Variants in ACTN4 observed in about 807,000 individuals in gnomAD.
The protein encoded by ACTN4 is actinin alpha 4.
A neutral mutation model predicts 114.2 loss-of-function variants in ACTN4; 18 were observed. The observed-to-expected ratio is 0.16, with a 90% CI of 0.11 to 0.23. The LOEUF is 0.23. Ranked by LOEUF, ACTN4 falls within the 10% of genes least tolerant of loss-of-function variation. The pLI is 1.00. For missense variants in ACTN4, 722 were observed against 1,262.9 expected (o/e 0.57, Z 6.49); for synonymous variants, 515 against 506.3 (o/e 1.02, Z -0.23).
rs1405060761 is a variant in ACTN4 at position 38,730,025 on chromosome 19, C to T, written c.*593C>T. 3.6e-5 allele frequency: 8 copies of T among 222,890 alleles called. No individual in the cohort carries two copies. The highest frequency in any genetic ancestry group is 2.7e-4 in the South Asian group (5 of 18,854). 13.8% of individuals were successfully genotyped at this position (222,890 alleles called of 1,614,324 possible). A position where few individuals can be genotyped will look rare whatever the true frequency, so the allele number is the denominator to read the frequency against. ...TGGCAGACCGGGCCCCCCTGAACCG[C>T]ACCCCATCCCACCAGCCCCGGCCTT... On this transcript the variant is annotated 3_prime_UTR_variant, in exon 21 of 21. Coordinates refer to ENST00000252699, the MANE Select transcript of ACTN4 (RefSeq NM_004924.6).
intron 20 of ACTN4, 22 bp downstream of exon 20, chr19:38,729,176 T>C (rs757420258): frequency 1.7e-5 from 28 of 1,611,952 alleles, no homozygotes; most frequent in Non-Finnish European, 2.3e-5. Flanking sequence ...CCCTACGAGG[T>C]GCATGGGGGC....
At position 38,724,579 on chromosome 19, in the gene ACTN4, G is replaced by C. The variant is rs748525677; in HGVS notation, c.2010+14G>C. 7 of 1,613,162 alleles carry C rather than the reference G, an allele frequency of 4.3e-6. No individual in the cohort carries two copies. In the East Asian group the frequency reaches 1.6e-4, roughly 36 times the overall value. ...ACCAAGATGGAGGTGAGGCACGGCT[G>C]AGCCCCACAGAGCTGAGAAGGTTCC... On this transcript the variant is annotated intron_variant, in intron 16 of 20. Coordinates refer to ENST00000252699, the MANE Select transcript of ACTN4 (RefSeq NM_004924.6). This position sits in a 1 kb window ranked among gnomAD's most constrained non-coding sequence, Gnocchi z 7.0.
At chr19:38,693,760 A>T (rs1968004622) in intron 1 of ACTN4, among the ~76,000 whole-genome samples, 1 of 152,098 alleles carries the variant, frequency 6.6e-6, no homozygotes. Flanking sequence ...GGACTTTATG[A>T]CCAGAGATGC....
At chr19:38,726,850 G>A in intron 17 of ACTN4, 107 bp from the exon 18 acceptor site, 1 of 1,519,426 alleles carries the variant, frequency 6.6e-7, no homozygotes, top group Non-Finnish European at 8.9e-7. Flanking sequence ...CAGGAGAGCA[G>A]GGGCTTTCCC....
chr19:38,685,835 A>G (rs1338782850), intron 1 of ACTN4, among the ~76,000 whole-genome samples: 3 of 152,070 alleles, frequency 2.0e-5, no homozygotes, highest in African/African-American at 7.2e-5. Context: ...GCCTCTCAAA[A>G]CAGGAAAAAG....
intron 1 of ACTN4, among the ~76,000 whole-genome samples, chr19:38,662,912 T>G (rs1402237718): frequency 6.6e-6 from 1 of 151,226 alleles, no homozygotes; most frequent in Non-Finnish European, 1.5e-5. Flanking sequence ...TGGGTCTGTT[T>G]TTTTTTTTTT....
At chr19:38,684,776 T>A (rs898011754) in intron 1 of ACTN4, among the ~76,000 whole-genome samples, 6 of 152,146 alleles carry the variant, frequency 3.9e-5, no homozygotes, top group African/African-American at 1.2e-4. Flanking sequence ...CTTCTTTCTC[T>A]CTCTGTGGTC....
Position 38,729,346 on chromosome 19 carries a change from G to A in ACTN4, c.2650G>A (p.Ala884Thr). The A allele has an allele frequency of 6.2e-7, 1 of 1,612,546 alleles. No homozygotes were observed. The highest frequency in any genetic ancestry group is 8.5e-7 in the Non-Finnish European group (1 of 1,179,914). The change falls in exon 21 of 21, where the codon GCG (alanine) becomes ACG (threonine). Residue 884 changes from alanine (A) to threonine (T), a missense_variant. By Grantham distance (58) the Ala-to-Thr change is moderately conservative. Transcript: ENST00000252699. ...GGCCGAGTACTGCATCGCCCGCATG[G>A]CGCCATACCAGGGCCCTGACGCCGT... ...DQAEYCIARMAPYQGPDAVPG... is the reference protein window; with the variant it reads ...DQAEYCIARMTPYQGPDAVPG...
At chr19:38,705,274 A>G (rs917071653) in intron 4 of ACTN4, among the ~76,000 whole-genome samples, 2 of 152,180 alleles carry the variant, frequency 1.3e-5, no homozygotes, top group African/African-American at 2.4e-5. Flanking sequence ...CGCCACCCTC[A>G]TGAGATGGGC....
intron 11 of ACTN4, among the ~76,000 whole-genome samples, chr19:38,721,112 A>T (rs1969024660): frequency 6.6e-6 from 1 of 152,174 alleles, no homozygotes; most frequent in African/African-American, 2.4e-5. Context: ...TCCTAGAAGA[A>T]GCTGGCTCTG....
At chr19:38,701,638 C>G (rs914268608) in intron 3 of ACTN4, among the ~76,000 whole-genome samples, 2 of 152,230 alleles carry the variant, frequency 1.3e-5, no homozygotes, top group African/African-American at 4.8e-5. Context: ...AATTTTGCCT[C>G]TGACCACCCC....
At chr19:38,694,264 CTTTT>C (rs563718301) in intron 1 of ACTN4, among the ~76,000 whole-genome samples, 8 of 143,792 alleles carry the variant, frequency 5.6e-5, no homozygotes, top group Non-Finnish European at 1.2e-4. Context: ...CTGGGGCCTT[CTTTT>C]TTTTTTTTTG....
chr19:38,689,294 A>G (rs11083473), intron 1 of ACTN4, among the ~76,000 whole-genome samples: 66,983 of 152,076 alleles, frequency 0.44, 15,791 homozygotes, highest in Non-Finnish European at 0.53. Context: ...CCTTGAAAAC[A>G]TGCTAAGGAG....
chr19:38,692,531 A>G (rs951214674), intron 1 of ACTN4, among the ~76,000 whole-genome samples: 2 of 152,256 alleles, frequency 1.3e-5, no homozygotes, highest in African/African-American at 4.8e-5. Flanking sequence ...CAGGGCGAGC[A>G]TCTCTGCCTG....
chr19:38,730,812 C>T lies in ACTN4; in HGVS notation c.*1380C>T, dbSNP rs760504662. 22 of 1,549,852 alleles carry T rather than the reference C, an allele frequency of 1.4e-5. No individual in the cohort carries two copies. Among genetic ancestry groups the T allele is most frequent in the Non-Finnish European group, 1.9e-5 (22 of 1,146,808 alleles). ...GGCCTAGGGAGGTGGTCTTGCTCAG[C>T]AACCCTGCCCTGAGCAGCAGGTGCG... is the stretch of plus-strand genomic sequence containing the variant. On this transcript the variant is annotated 3_prime_UTR_variant, in exon 21 of 21. Transcript: ENST00000252699.
At chr19:38,672,207 G>A (rs1292566844) in intron 1 of ACTN4, among the ~76,000 whole-genome samples, 1 of 150,564 alleles carries the variant, frequency 6.6e-6, no homozygotes, top group Non-Finnish European at 1.5e-5. Flanking sequence ...CAGACGTATG[G>A]CCCACACAGC....
At chr19:38,698,941 G>T (rs1185310795) in intron 1 of ACTN4, among the ~76,000 whole-genome samples, 1 of 152,200 alleles carries the variant, frequency 6.6e-6, no homozygotes, top group Non-Finnish European at 1.5e-5. Flanking sequence ...CAGAGCCCCC[G>T]TAGAAGCCCC....
At chr19:38,704,837 C>T in intron 3 of ACTN4, 97 bp from the exon 4 acceptor site, 1 of 1,115,656 alleles carries the variant, frequency 9.0e-7, no homozygotes, top group Non-Finnish European at 1.4e-6. Context: ...TGGAGCCTTT[C>T]TCTAGATGGG....
chr19:38,668,311 C>T (rs1599773071), intron 1 of ACTN4, among the ~76,000 whole-genome samples: 2 of 152,184 alleles, frequency 1.3e-5, no homozygotes, highest in South Asian at 4.1e-4. Context: ...CTTCAATCCA[C>T]CTGACATTTA....
Sources: allele counts gnomAD v4.1 joint callset (sites outside exome capture counted in the v4.1 genomes callset), GRCh38; gene constraint gnomAD v4.1.1; non-coding constraint Gnocchi (gnomAD v3.1); transcripts MANE v1.5; gene names NCBI Gene and HGNC (gene_info 2026-07-23, HGNC 2026-07-21).